The following TBC1D14 variants were observed in gnomAD, a reference collection of about 807,000 sequenced individuals.
The protein encoded by TBC1D14 is TBC1 domain family member 14.
A neutral mutation model predicts 79.0 loss-of-function variants in TBC1D14; 26 were observed. The observed-to-expected ratio is 0.33, with a 90% confidence interval of 0.24 to 0.46. The LOEUF is 0.46. TBC1D14 is among the 20% of genes least tolerant of loss of function. The pLI, the probability that TBC1D14 is intolerant of heterozygous loss-of-function variation, is 1.00. For synonymous variants in TBC1D14, 394 were observed against 349.9 expected (o/e 1.13, Z -1.40); for missense variants, 769 against 887.6 (o/e 0.87, Z 1.70).
At chr4:6,978,992 A>G (rs1211743316) in intron 3 of TBC1D14, among the ~76,000 whole-genome samples, 2 of 152,306 alleles carry the variant, frequency 1.3e-5, no homozygotes, top group Middle Eastern at 3.4e-3. Context: ...AAAAGGGGAC[A>G]AGGTGTGGTG....
chr4:6,931,735 C>G (rs13103361), intron 2 of TBC1D14, among the ~76,000 whole-genome samples: 84,913 of 151,756 alleles, frequency 0.56, 23,903 homozygotes, highest in East Asian at 0.68. Flanking sequence ...GTACCAAGCA[C>G]TGTGCTAGGT....
At chr4:6,988,414 G>A (rs1053109417) in intron 3 of TBC1D14, among the ~76,000 whole-genome samples, 3 of 152,214 alleles carry the variant, frequency 2.0e-5, no homozygotes, top group Non-Finnish European at 4.4e-5. Context: ...CTTGTGGATG[G>A]AGGAGGAGCT....
chr4:6,961,259 A>T (rs185405160), intron 2 of TBC1D14, among the ~76,000 whole-genome samples: 200 of 152,172 alleles, frequency 1.3e-3, no homozygotes, highest in African/African-American at 4.3e-3. Context: ...GACGGCCCCC[A>T]GCGTGTTTCC....
chr4:7,025,132 T>G lies in TBC1D14; in HGVS notation c.1886T>G (p.Ile629Ser). ...GGCATCCTGAAGCTGTTCGAGGACA[T>G]CCTGACCAAGATGGACTTCATTCAC... ...ALGILKLFED[I>S]LTKMDFIHMA... The change falls in exon 13 of 14, where the codon ATC (isoleucine) becomes AGC (serine). Residue 629 changes from isoleucine (I) to serine (S), a missense_variant. Around this residue, in one of 2 missense-constraint regions of TBC1D14, gnomAD observed 367 missense variants for 494.4 expected, o/e 0.74. Transcript: ENST00000409757. 2 of 1,614,192 alleles carry G rather than the reference T, an allele frequency of 1.2e-6. No homozygotes were observed. Among genetic ancestry groups the G allele is most frequent in the Non-Finnish European group, 1.7e-6 (2 of 1,180,030 alleles).
At chr4:6,968,374 A>G (rs2109052149) in intron 3 of TBC1D14, among the ~76,000 whole-genome samples, 1 of 152,198 alleles carries the variant, frequency 6.6e-6, no homozygotes, top group East Asian at 1.9e-4. Flanking sequence ...GGGATCATGT[A>G]CTGAGTGATT....
chr4:7,005,716 A>G (rs1720125917), intron 8 of TBC1D14, among the ~76,000 whole-genome samples: 1 of 151,890 alleles, frequency 6.6e-6, no homozygotes, highest in African/African-American at 2.4e-5. Flanking sequence ...AAAAAGAAAT[A>G]GAACATCCCA....
Position 7,025,104 on chromosome 4 carries a change from C to T in TBC1D14, c.1858C>T (p.Leu620=), listed in dbSNP as rs370726932. Residue 620 remains leucine (L), a synonymous_variant, in exon 13 of 14, where the codon CTG becomes TTG. Coordinates refer to ENST00000409757, the MANE Select transcript of TBC1D14 (RefSeq NM_020773.3). ...GGAAGAGTTCCTGTTCCGCACGGCC[C>T]TGGGCATCCTGAAGCTGTTCGAGGA... is the stretch of plus-strand genomic sequence containing the variant. The part of the protein sequence containing the change: ...DGEEFLFRTA[L]GILKLFEDIL... 6.2e-7 allele frequency: 1 copy of T among 1,614,210 alleles called. No homozygotes were observed. Among genetic ancestry groups the T allele is most frequent in the Admixed American group, 1.7e-5 (1 of 60,032 alleles).
In TBC1D14 at chr4:6,945,749, C is replaced by CAA. The variant is rs71173472; in HGVS notation, c.723-21522_723-21521dup. Among the ~76,000 whole-genome samples, 109 of 64,128 alleles carry CAA rather than the reference C, an allele frequency of 1.7e-3. 3 individuals are homozygous for CAA. Among genetic ancestry groups the CAA allele is most frequent in the African/African-American group, 6.1e-3 (92 of 15,058 alleles). 42.1% of individuals were successfully genotyped at this position (64,128 alleles called of 152,430 possible). On this transcript the variant is annotated intron_variant, in intron 2 of 13. Transcript: ENST00000409757. The stretch of plus-strand genomic sequence containing the variant: ...GGGCAACTAGAGCAAAACTGCGTCT[C>CAA]AAAAAAAAAAAAAAAAAAAAAAAAA...
At chr4:6,991,109 G>A (rs1016928508) in intron 3 of TBC1D14, among the ~76,000 whole-genome samples, 2 of 152,184 alleles carry the variant, frequency 1.3e-5, no homozygotes, top group African/African-American at 4.8e-5. Context: ...GGCTTTGCCT[G>A]GGATTTCAAG....
rs567590433 is a variant in TBC1D14, at chr4:6,937,338, G to C, written c.722+13227G>C. Reference sequence around the variant, plus strand: ...AAGGTGCCAGCACGTTCAGTGTCTGGTGAGCTGTTGAACATGTTTTTTTAT... The same window carrying C: ...AAGGTGCCAGCACGTTCAGTGTCTGCTGAGCTGTTGAACATGTTTTTTTAT... On this transcript the variant is annotated intron_variant, in intron 2 of 13. Coordinates refer to ENST00000409757, the MANE Select transcript of TBC1D14 (RefSeq NM_020773.3). 2.1e-3 allele frequency among the ~76,000 whole-genome samples: 326 copies of C among 152,334 alleles called. 1 individual carries two copies. Among genetic ancestry groups the C allele is most frequent in the African/African-American group, 7.4e-3 (309 of 41,566 alleles).
At chr4:6,961,975 G>A (rs958588179) in intron 2 of TBC1D14, among the ~76,000 whole-genome samples, 12 of 152,300 alleles carry the variant, frequency 7.9e-5, no homozygotes, top group South Asian at 6.2e-4. Context: ...TTGAGAAAGC[G>A]TCTCGCTCTG....
intron 12 of TBC1D14, among the ~76,000 whole-genome samples, chr4:7,017,607 T>C (rs1190804462): frequency 2.0e-5 from 3 of 152,198 alleles, no homozygotes; most frequent in Non-Finnish European, 4.4e-5. Flanking sequence ...TCTTCACTGC[T>C]GAGGCCTTTG....
At chr4:6,964,203 C>T (rs67405518) in intron 2 of TBC1D14, among the ~76,000 whole-genome samples, 15,440 of 152,168 alleles carry the variant, frequency 0.1, 1,319 homozygotes, top group African/African-American at 0.23. Flanking sequence ...TCTTAGTCGT[C>T]CTCCTGCCAG....
chr4:7,017,875 G>A (rs941770898), intron 12 of TBC1D14, among the ~76,000 whole-genome samples: 2 of 152,204 alleles, frequency 1.3e-5, no homozygotes, highest in Non-Finnish European at 2.9e-5. Context: ...GGTCCGCAGT[G>A]ATTCAGGCTC....
At chr4:6,999,548 T>C (rs1273352986) in intron 6 of TBC1D14, among the ~76,000 whole-genome samples, 1 of 152,118 alleles carries the variant, frequency 6.6e-6, no homozygotes, top group African/African-American at 2.4e-5. Flanking sequence ...GTGGCCTGCC[T>C]TCCTCGGCAG....
chr4:6,938,599 G>A (rs1165642457), intron 2 of TBC1D14, among the ~76,000 whole-genome samples: 4 of 152,146 alleles, frequency 2.6e-5, no homozygotes, highest in Non-Finnish European at 2.9e-5. Context: ...GGTGGGGCTC[G>A]CTCATTCAGG....
chr4:7,000,622 C>G (rs887549755), intron 6 of TBC1D14, among the ~76,000 whole-genome samples: 1 of 152,206 alleles, frequency 6.6e-6, no homozygotes, highest in Non-Finnish European at 1.5e-5. Context: ...CTACAATGTT[C>G]TGAGTCAGCA....
intron 12 of TBC1D14, among the ~76,000 whole-genome samples, chr4:7,014,884 T>G (rs1005073742): frequency 2.0e-5 from 3 of 152,240 alleles, no homozygotes; most frequent in African/African-American, 7.2e-5. Flanking sequence ...CGCTTGCCTG[T>G]CAGGAGCTCC....
At chr4:6,966,134 A>G (rs1459738462) in intron 2 of TBC1D14, among the ~76,000 whole-genome samples, 3 of 152,118 alleles carry the variant, frequency 2.0e-5, no homozygotes, top group Admixed American at 6.5e-5. Flanking sequence ...CATTGTTCTC[A>G]TTATTTGGAT....
Sources: gnomAD v4.1 joint callset for allele counts (sites outside exome capture counted in the v4.1 genomes callset) on GRCh38, gnomAD v4.1.1 for gene constraint, gnomAD v4.1.1 regional missense constraint, MANE v1.5 for transcripts, NCBI Gene and HGNC (gene_info 2026-07-23, HGNC 2026-07-21) for gene names.